The following KCNN3 variants were observed in gnomAD, a reference collection of about 807,000 sequenced individuals.
KCNN3 encodes the protein potassium calcium-activated channel subfamily N member 3.
KCNN3 carries 16 observed loss-of-function variants against 62.9 expected under a neutral mutation model. The observed-to-expected ratio is 0.25, with a 90% confidence interval of 0.17 to 0.39. The LOEUF is 0.39. KCNN3 is among the 10% of genes least tolerant of loss of function. KCNN3 has a pLI of 1.00. For missense variants in KCNN3, 599 were observed against 949.4 expected, an observed-to-expected ratio of 0.63 and a Z score of 4.85; for synonymous variants, 370 against 389.2, an observed-to-expected ratio of 0.95 and a Z score of 0.58.
rs1330042431 is a variant in KCNN3 at position 154,701,243 on chromosome 1, A to C, written c.*6733T>G. On this transcript the variant is annotated 3_prime_UTR_variant, in exon 8 of 8. Coordinates refer to ENST00000271915, the MANE Select transcript of KCNN3 (RefSeq NM_002249.6). ...CCCAGGAGAAAACTTGTTGTTTTGCACTATCTGTAAATCTATGTGAATTTT... is the reference window on the plus strand; with the variant it reads ...CCCAGGAGAAAACTTGTTGTTTTGCCCTATCTGTAAATCTATGTGAATTTT... 2.0e-5 allele frequency: 3 copies of C among 152,234 alleles called. No individual in the cohort carries two copies. The highest frequency in any genetic ancestry group is 7.2e-5 in the African/African-American group (3 of 41,456). The allele number at this position is 152,234 out of a possible 1,614,324, so 9.4% of individuals were successfully genotyped here. A position where few individuals can be genotyped will look rare whatever the true frequency, so the allele number is the denominator to read the frequency against.
At chr1:154,811,994 G>A (rs193018274) in intron 2 of KCNN3, among the ~76,000 whole-genome samples, 108 of 152,326 alleles carry the variant, frequency 7.1e-4, no homozygotes, top group Admixed American at 7.0e-3. Flanking sequence ...GCTTAATTGA[G>A]TGCCATGTTT....
intron 1 of KCNN3, among the ~76,000 whole-genome samples, chr1:154,836,503 T>C (rs1379089402): frequency 1.3e-5 from 2 of 152,254 alleles, no homozygotes; most frequent in Non-Finnish European, 2.9e-5. Context: ...AGGGCAGAGC[T>C]GAGCAGGGAC....
intron 2 of KCNN3, among the ~76,000 whole-genome samples, chr1:154,780,098 C>CCA (rs1174708463): frequency 2.0e-5 from 3 of 152,146 alleles, no homozygotes; most frequent in Non-Finnish European, 4.4e-5. Context: ...CCTCCAGCAG[C>CCA]CACATGGCAC....
At chr1:154,783,108 G>A (rs548970794) in intron 2 of KCNN3, among the ~76,000 whole-genome samples, 21 of 152,008 alleles carry the variant, frequency 1.4e-4, no homozygotes, top group Admixed American at 1.4e-3. Context: ...AGCTACTCGG[G>A]AGGCTGAGGC....
intron 3 of KCNN3, among the ~76,000 whole-genome samples, chr1:154,738,586 C>T (rs1156660959): frequency 6.6e-6 from 1 of 152,150 alleles, no homozygotes; most frequent in African/African-American, 2.4e-5. Context: ...TACAGGGAGG[C>T]CCTCATAGGA....
chr1:154,851,621 C>T (rs192660437), intron 1 of KCNN3, among the ~76,000 whole-genome samples: 1 of 152,330 alleles, frequency 6.6e-6, no homozygotes, highest in East Asian at 1.9e-4. Flanking sequence ...CTGACCTGCA[C>T]ACCATGACCT....
intron 3 of KCNN3, chr1:154,737,117 G>T (rs1641770843): frequency 7.4e-6 from 5 of 672,294 alleles, no homozygotes; most frequent in South Asian, 6.0e-5. Context: ...GGGAGAAAAG[G>T]TTTCTAAACC....
In KCNN3 at chr1:154,751,148, G is replaced by A. The variant is rs144527680; in HGVS notation, c.1449-18004C>T. ...AGTCCCAGGAGAGAGACCCTTGGCTGGGAGCTCAGACCCGCCCAACTCGCG... is the reference window on the plus strand; with the variant it reads ...AGTCCCAGGAGAGAGACCCTTGGCTAGGAGCTCAGACCCGCCCAACTCGCG... On this transcript the variant is annotated intron_variant, in intron 3 of 7. Transcript: ENST00000271915. 1.6e-3 allele frequency among the ~76,000 whole-genome samples: 237 copies of A among 152,332 alleles called. 1 individual carries two copies. The Middle Eastern group carries it at 0.017, about 11-fold the overall frequency.
intron 2 of KCNN3, among the ~76,000 whole-genome samples, chr1:154,784,450 C>G (rs1243378523): frequency 1.3e-5 from 2 of 152,230 alleles, no homozygotes; most frequent in Non-Finnish European, 2.9e-5. Flanking sequence ...CTTCCATCTT[C>G]TGTACAAGCA....
chr1:154,801,419 G>A (rs371608411), intron 2 of KCNN3, among the ~76,000 whole-genome samples: 2 of 152,132 alleles, frequency 1.3e-5, no homozygotes, highest in South Asian at 2.1e-4. Flanking sequence ...CAATGAGAAA[G>A]CCAGAGCCCA....
intron 3 of KCNN3, among the ~76,000 whole-genome samples, chr1:154,735,794 ATGG>A (rs1287408825): frequency 6.6e-6 from 1 of 151,992 alleles, no homozygotes; most frequent in Non-Finnish European, 1.5e-5. Flanking sequence ...GGCTGGAGGG[ATGG>A]TGGCAGACCC....
chr1:154,754,409 T>C (rs1292395092), intron 3 of KCNN3, among the ~76,000 whole-genome samples: 1 of 152,040 alleles, frequency 6.6e-6, no homozygotes, highest in African/African-American at 2.4e-5. Context: ...TGAGAGATGG[T>C]TGCAGCCCAA....
intron 3 of KCNN3, among the ~76,000 whole-genome samples, chr1:154,760,805 C>T (rs1647969977): frequency 6.6e-6 from 1 of 152,164 alleles, no homozygotes; most frequent in Non-Finnish European, 1.5e-5. Context: ...CCGGCTCGGG[C>T]GCTCCCATAA....
intron 3 of KCNN3, among the ~76,000 whole-genome samples, chr1:154,742,713 C>T (rs1271328696): frequency 6.6e-6 from 1 of 152,228 alleles, no homozygotes; most frequent in Non-Finnish European, 1.5e-5. Context: ...TTCGGGGAAG[C>T]AGGGTGTAAT....
At chr1:154,773,189 T>C (rs550500843) in intron 2 of KCNN3, among the ~76,000 whole-genome samples, 7 of 152,242 alleles carry the variant, frequency 4.6e-5, no homozygotes, top group Non-Finnish European at 7.4e-5. Context: ...GTGTCTGTCG[T>C]TCCCCTCTTT....
chr1:154,801,506 C>T (rs1378521482), intron 2 of KCNN3, among the ~76,000 whole-genome samples: 1 of 152,160 alleles, frequency 6.6e-6, no homozygotes, highest in South Asian at 2.1e-4. Flanking sequence ...ACAAAGGATG[C>T]TCGCTCCCAC....
At position 154,869,723 on chromosome 1, in the gene KCNN3, GGCTGCTGCTGCTGCTGCTGCTGCTGCT is replaced by G. The variant is rs3831942; in HGVS notation, c.215_241del (p.Gln72_Gln80del). On this transcript the variant is annotated inframe_deletion, in exon 1 of 8. Coordinates refer to ENST00000271915, the MANE Select transcript of KCNN3 (RefSeq NM_002249.6). The surrounding 1 kb of genome is among the most constrained non-coding windows in gnomAD (Gnocchi z 6.1). ...GGCGAGCTGAGACAGGGGATGCGGT[GGCTGCTGCTGCTGCTGCTGCTGCTGCT>G]GCTGCTGCTGCTGCTGAAGCTGCGG... 2.8e-4 allele frequency: 415 copies of G among 1,506,516 alleles called. No homozygotes were observed. The highest frequency in any genetic ancestry group is 2.1e-3 in the Middle Eastern group (10 of 4,716). 93.3% of individuals were successfully genotyped at this position (1,506,516 alleles called of 1,614,324 possible). A position where few individuals can be genotyped will look rare whatever the true frequency, so the allele number is the denominator to read the frequency against.
chr1:154,793,325 G>A (rs1218457810), intron 2 of KCNN3, among the ~76,000 whole-genome samples: 1 of 152,146 alleles, frequency 6.6e-6, no homozygotes, highest in Non-Finnish European at 1.5e-5. Flanking sequence ...GTACCCAAAT[G>A]TCTGTTCCTT....
intron 3 of KCNN3, among the ~76,000 whole-genome samples, chr1:154,755,542 G>GAA (rs2101819264): frequency 2.1e-5 from 2 of 97,082 alleles, no homozygotes; most frequent in South Asian, 4.5e-4. Flanking sequence ...AGAAAGGAAA[G>GAA]GAAGGAAGGA....
Sources: gnomAD v4.1 joint callset for allele counts (sites outside exome capture counted in the v4.1 genomes callset) on GRCh38, gnomAD v4.1.1 for gene constraint, Gnocchi (gnomAD v3.1) non-coding constraint, MANE v1.5 for transcripts, NCBI Gene and HGNC (gene_info 2026-07-23, HGNC 2026-07-21) for gene names.